The following RAB11FIP3 variants were observed in gnomAD, a reference collection of about 807,000 sequenced individuals.
RAB11FIP3 encodes RAB11 family interacting protein 3.
Under a neutral mutation model 77.8 loss-of-function variants are expected in RAB11FIP3, and 17 were observed. The observed-to-expected ratio is 0.22, with a 90% confidence interval of 0.15 to 0.33. The LOEUF (loss-of-function observed/expected upper bound fraction) is 0.33. RAB11FIP3 is among the 10% of genes least tolerant of loss of function. The pLI is 1.00. For missense variants in RAB11FIP3, 1,005 were observed against 1,011.2 expected (o/e 0.99, Z 0.08); for synonymous variants, 437 against 448.2 (o/e 0.98, Z 0.31).
At chr16:494,516 G>A (rs982637649) in intron 5 of RAB11FIP3, among the ~76,000 whole-genome samples, 1 of 151,896 alleles carries the variant, frequency 6.6e-6, no homozygotes, top group Non-Finnish European at 1.5e-5. Context: ...CAGCTACTCG[G>A]GAGGCTGAGG....
chr16:461,664 C>T lies in RAB11FIP3; in HGVS notation c.808+167C>T, dbSNP rs1248213283. On this transcript the variant is annotated intron_variant, in intron 2 of 13. Coordinates refer to ENST00000262305, the MANE Select transcript of RAB11FIP3 (RefSeq NM_014700.4). The surrounding 1 kb of genome is among the most constrained non-coding windows in gnomAD (Gnocchi z 4.5). ...AGGTGGTCTCTTTCCTTTCTTGTTA[C>T]CTTCTCCTCACATACCCTGTTTTCC... Among the ~76,000 whole-genome samples, 1 of 152,092 alleles carries T rather than the reference C, an allele frequency of 6.6e-6. No homozygotes were observed. Among genetic ancestry groups the T allele is most frequent in the Admixed American group, 6.6e-5 (1 of 15,248 alleles).
At chr16:476,833 G>C (rs1340675777) in intron 3 of RAB11FIP3, among the ~76,000 whole-genome samples, 1 of 151,268 alleles carries the variant, frequency 6.6e-6, no homozygotes, top group African/African-American at 2.4e-5. Flanking sequence ...GCTCAGGCCT[G>C]TAATCCCAGC....
chr16:471,433 A>C lies in RAB11FIP3; in HGVS notation c.903+44A>C, dbSNP rs1238446773. On this transcript the variant is annotated intron_variant, in intron 3 of 13. Transcript: ENST00000262305. The surrounding 1 kb of genome is among the most constrained non-coding windows in gnomAD (Gnocchi z 4.4). ...GGAGCTTGGGGGAAGTCTGGCATCC[A>C]CCTCTTCCTTTATGCCCTACAGCTC... The C allele has an allele frequency of 6.8e-7, 1 of 1,472,702 alleles. No individual in the cohort carries two copies. The highest frequency in any genetic ancestry group is 1.8e-5 in the Admixed American group (1 of 54,062). The allele number at this position is 1,472,702 out of a possible 1,614,324, so 91.2% of individuals were successfully genotyped here.
chr16:431,153 A>G (rs1596179205), intron 1 of RAB11FIP3, among the ~76,000 whole-genome samples: 1 of 152,180 alleles, frequency 6.6e-6, no homozygotes, highest in East Asian at 1.9e-4. Flanking sequence ...GTGTGGGAGC[A>G]TGTGTCTGCA....
chr16:517,246 G>A (rs2032457160), intron 9 of RAB11FIP3, among the ~76,000 whole-genome samples: 1 of 152,140 alleles, frequency 6.6e-6, no homozygotes. Context: ...AAGTCTGGGA[G>A]ACTCACAGAC....
Position 514,135 on chromosome 16 carries a change from G to T in RAB11FIP3, c.1640+3335G>T, listed in dbSNP as rs999525838. On this transcript the variant is annotated intron_variant, in intron 9 of 13. Transcript: ENST00000262305. The surrounding 1 kb of genome is among the most constrained non-coding windows in gnomAD (Gnocchi z 4.6). ...AGCAAGCCGCCTGCCCACCCTAAGC[G>T]CTTGGGGTCAGTGCCACCGTGTTCT... Among the ~76,000 whole-genome samples, 1 of 152,166 alleles carries T rather than the reference G, an allele frequency of 6.6e-6. No individual in the cohort carries two copies. Among genetic ancestry groups the T allele is most frequent in the Non-Finnish European group, 1.5e-5 (1 of 68,030 alleles).
chr16:466,400 T>A (rs1034990339), intron 2 of RAB11FIP3, among the ~76,000 whole-genome samples: 1 of 152,152 alleles, frequency 6.6e-6, no homozygotes, highest in Non-Finnish European at 1.5e-5. Context: ...GTTGGTTTGT[T>A]CCTGTGGACC....
At position 450,722 on chromosome 16, in the gene RAB11FIP3, G is replaced by A. The variant is rs2055392960; in HGVS notation, c.715-10682G>A. Among the ~76,000 whole-genome samples, 3 of 152,302 alleles carry A rather than the reference G, an allele frequency of 2.0e-5. No homozygotes were observed. In the South Asian group the frequency reaches 6.2e-4, roughly 32 times the overall value. The stretch of plus-strand genomic sequence containing the variant: ...AGGGCATGCTGACCTTGAAAGCAAG[G>A]TGGGAATGGAGTTCTATGAGCTGAG... On this transcript the variant is annotated intron_variant, in intron 1 of 13. Transcript: ENST00000262305.
intron 6 of RAB11FIP3, among the ~76,000 whole-genome samples, chr16:501,438 T>C (rs1482510545): frequency 2.1e-4 from 24 of 115,234 alleles, no homozygotes; most frequent in East Asian, 5.9e-4. Flanking sequence ...CCCCATTTCA[T>C]AGGCAAGGAA....
In RAB11FIP3 at chr16:517,084, G is replaced by A. The variant is rs571792740; in HGVS notation, c.1641-1859G>A. Among the ~76,000 whole-genome samples, 6 of 152,276 alleles carry A rather than the reference G, an allele frequency of 3.9e-5. No homozygotes were observed. The East Asian group carries it at 1.2e-3, about 29-fold the overall frequency. On this transcript the variant is annotated intron_variant, in intron 9 of 13. Coordinates refer to ENST00000262305, the MANE Select transcript of RAB11FIP3 (RefSeq NM_014700.4). ...GGACGTCAGGACCCTGATACGGTGTGACGGGAAGGGCCCCGCACCTCTGTG... is the reference window on the plus strand; with the variant it reads ...GGACGTCAGGACCCTGATACGGTGTAACGGGAAGGGCCCCGCACCTCTGTG...
At chr16:516,628 G>A (rs1208004526) in intron 9 of RAB11FIP3, among the ~76,000 whole-genome samples, 1 of 152,194 alleles carries the variant, frequency 6.6e-6, no homozygotes, top group African/African-American at 2.4e-5. Flanking sequence ...TGTAACCCCA[G>A]CACTTTGGGA....
rs911655984 is a variant in RAB11FIP3, at chr16:488,985, C to T, written c.1250C>T (p.Ala417Val). The T allele has an allele frequency of 3.1e-6, 5 of 1,613,894 alleles. No homozygotes were observed. The highest frequency in any genetic ancestry group is 4.2e-6 in the Non-Finnish European group (5 of 1,179,936). ...CNGQLGCSDP[A>V]FLTPSPTKRL... ...GGGCAGCTGGGCTGCAGTGACCCCG[C>T]TTTCCTCACGCCCAGGTAATGACGC... The change falls in exon 5 of 14, where the codon GCT (alanine) becomes GTT (valine). Residue 417 changes from alanine to valine, a missense_variant. Ala to Val is a moderately conservative substitution (Grantham distance 64). This residue lies in a region of RAB11FIP3 where 433 missense variants were observed against 436.1 expected (regional missense o/e 0.99). Coordinates refer to ENST00000262305, the MANE Select transcript of RAB11FIP3 (RefSeq NM_014700.4).
In RAB11FIP3 at chr16:488,981, C is replaced by T; in HGVS notation, c.1246C>T (p.Pro416Ser). 1.9e-6 allele frequency: 3 copies of T among 1,613,774 alleles called. No individual in the cohort carries two copies. Among genetic ancestry groups the T allele is most frequent in the Admixed American group, 1.7e-5 (1 of 59,982 alleles). ...CAACGGGCAGCTGGGCTGCAGTGAC[C>T]CCGCTTTCCTCACGCCCAGGTAATG... ...LCNGQLGCSD[P>S]AFLTPSPTKR... Residue 416 changes from proline to serine, a missense_variant, in exon 5 of 14, where the codon CCC (proline) becomes TCC (serine). Around this residue, in one of 4 missense-constraint regions of RAB11FIP3, gnomAD observed 433 missense variants for 436.1 expected, o/e 0.99. Transcript: ENST00000262305.
intron 9 of RAB11FIP3, among the ~76,000 whole-genome samples, chr16:512,683 A>C (rs571659665): frequency 5.4e-4 from 82 of 151,556 alleles, no homozygotes; most frequent in African/African-American, 1.9e-3. Context: ...AGCTGGGGCT[A>C]GAGGCTCACA....
chr16:520,099 C>T (rs1279670352), intron 11 of RAB11FIP3, 23 bp from the exon 12 acceptor site: 3 of 1,542,142 alleles, frequency 1.9e-6, no homozygotes, highest in East Asian at 2.4e-5. Flanking sequence ...GGCCCCCCGG[C>T]TCACTGCACG....
intron 1 of RAB11FIP3, among the ~76,000 whole-genome samples, chr16:456,847 T>C (rs992599248): frequency 1.3e-5 from 2 of 152,160 alleles, no homozygotes; most frequent in African/African-American, 2.4e-5. Context: ...CCTTTGTGTA[T>C]ATGTTTAGCT....
At position 425,673 on chromosome 16, in the gene RAB11FIP3, C is replaced by G. The variant is rs1418919747; in HGVS notation, c.-334C>G. 6 of 242,238 alleles carry G rather than the reference C, an allele frequency of 2.5e-5. No individual in the cohort carries two copies. Among genetic ancestry groups the G allele is most frequent in the Admixed American group, 2.3e-4 (4 of 17,648 alleles). 15.0% of individuals were successfully genotyped at this position (242,238 alleles called of 1,614,324 possible). On this transcript the variant is annotated 5_prime_UTR_variant, in exon 1 of 14. Coordinates refer to ENST00000262305, the MANE Select transcript of RAB11FIP3 (RefSeq NM_014700.4). ...CAGCCTCCTTAGTCTCCTCATCCTG[C>G]TTCACAGGCTCCGCGGCCTCCGGCC... is the stretch of plus-strand genomic sequence containing the variant.
At chr16:427,402 G>C (rs776379181) in intron 1 of RAB11FIP3, among the ~76,000 whole-genome samples, 1 of 152,232 alleles carries the variant, frequency 6.6e-6, no homozygotes, top group Non-Finnish European at 1.5e-5. Context: ...GTCCACTCTC[G>C]TAGGAGAGGT....
At chr16:518,237 C>T (rs576813082) in intron 9 of RAB11FIP3, among the ~76,000 whole-genome samples, 1 of 152,196 alleles carries the variant, frequency 6.6e-6, no homozygotes. Context: ...TGCCACTATG[C>T]TCGGCTAATT....
Sources: gnomAD v4.1 joint callset for allele counts (sites outside exome capture counted in the v4.1 genomes callset) on GRCh38, gnomAD v4.1.1 for gene constraint, gnomAD v4.1.1 regional missense constraint, Gnocchi (gnomAD v3.1) non-coding constraint, MANE v1.5 for transcripts, NCBI Gene and HGNC (gene_info 2026-07-23, HGNC 2026-07-21) for gene names.